KLHL1: variants seen among roughly 807,000 people sequenced by gnomAD.
KLHL1 encodes the protein kelch like family member 1.
KLHL1 carries 47 observed loss-of-function variants against 77.7 expected under a neutral mutation model. The ratio of observed to expected loss-of-function variants is 0.60; its 90% CI spans 0.48 to 0.77. KLHL1 has a LOEUF of 0.77. KLHL1 is among the 30% of genes least tolerant of loss of function. KLHL1 has a pLI of 0.00. For missense variants in KLHL1, 925 were observed against 910.8 expected, an observed-to-expected ratio of 1.02 and a Z score of -0.20; for synonymous variants, 360 against 325.2, an observed-to-expected ratio of 1.11 and a Z score of -1.15.
intron 6 of KLHL1, among the ~76,000 whole-genome samples, chr13:69,838,116 C>T (rs961593953): frequency 5.3e-5 from 8 of 149,844 alleles, no homozygotes; most frequent in South Asian, 4.2e-4. Flanking sequence ...CAGTTTTTTT[C>T]CCTGCAGCTA....
intron 6 of KLHL1, among the ~76,000 whole-genome samples, chr13:69,797,823 C>T (rs1245201684): frequency 1.7e-5 from 2 of 118,136 alleles, no homozygotes; most frequent in Admixed American, 1.6e-4. Flanking sequence ...AGCGAGACTC[C>T]ATCTAAAAAA....
chr13:69,715,077 C>T (rs983572010), intron 9 of KLHL1, among the ~76,000 whole-genome samples: 1 of 152,122 alleles, frequency 6.6e-6, no homozygotes, highest in Non-Finnish European at 1.5e-5. Context: ...TCCTCATAAG[C>T]CATTGAGGGA....
intron 6 of KLHL1, among the ~76,000 whole-genome samples, chr13:69,836,941 C>T (rs1338219358): frequency 6.6e-6 from 1 of 151,590 alleles, no homozygotes; most frequent in Non-Finnish European, 1.5e-5. Context: ...AAATTAAATA[C>T]AAAAATTTCA....
chr13:69,725,946 A>C (rs1223466959), intron 8 of KLHL1, among the ~76,000 whole-genome samples: 1 of 152,086 alleles, frequency 6.6e-6, no homozygotes, highest in Admixed American at 6.6e-5. Flanking sequence ...TTTTCATTAC[A>C]TATGCAGGGT....
intron 9 of KLHL1, among the ~76,000 whole-genome samples, chr13:69,716,420 G>A (rs964928809): frequency 2.0e-5 from 3 of 152,086 alleles, no homozygotes; most frequent in Non-Finnish European, 4.4e-5. Flanking sequence ...AAAAAATGAT[G>A]TAGAAAGAGT....
chr13:69,842,693 C>T (rs899901525), intron 5 of KLHL1, among the ~76,000 whole-genome samples: 1 of 151,748 alleles, frequency 6.6e-6, no homozygotes, highest in Non-Finnish European at 1.5e-5. Flanking sequence ...TGGATATCTA[C>T]CCAAAGGAAA....
intron 7 of KLHL1, among the ~76,000 whole-genome samples, chr13:69,788,692 T>C (rs1876698570): frequency 6.6e-6 from 1 of 152,128 alleles, no homozygotes; most frequent in South Asian, 2.1e-4. Flanking sequence ...TATTTATGTA[T>C]ATCTTAACTC....
intron 1 of KLHL1, among the ~76,000 whole-genome samples, chr13:70,102,365 C>A (rs959609634): frequency 1.3e-5 from 2 of 152,104 alleles, no homozygotes; most frequent in African/African-American, 4.8e-5. Flanking sequence ...ATAAAATACA[C>A]TGAATGAACT....
intron 5 of KLHL1, among the ~76,000 whole-genome samples, chr13:69,878,661 TA>T: frequency 6.6e-6 from 1 of 151,980 alleles, no homozygotes; most frequent in Admixed American, 6.6e-5. Flanking sequence ...CACATATAAA[TA>T]CATACATGTA....
chr13:69,732,229 C>T (rs9542066), intron 8 of KLHL1, among the ~76,000 whole-genome samples: 9,416 of 152,078 alleles, frequency 0.062, 575 homozygotes, highest in African/African-American at 0.16. Flanking sequence ...TTAAAACACA[C>T]ATAGAACCAT....
intron 2 of KLHL1, among the ~76,000 whole-genome samples, chr13:69,971,321 T>C (rs1385286142): frequency 6.6e-6 from 1 of 151,904 alleles, no homozygotes; most frequent in African/African-American, 2.4e-5. Flanking sequence ...TCATCATCAT[T>C]ATCATTGACT....
intron 1 of KLHL1, among the ~76,000 whole-genome samples, chr13:70,091,879 C>A (rs1488399820): frequency 6.6e-6 from 1 of 152,114 alleles, no homozygotes; most frequent in Admixed American, 6.6e-5. Flanking sequence ...AAATTTTTCA[C>A]ATGGATGTGT....
chr13:69,724,083 C>T (rs1296477409), intron 8 of KLHL1, among the ~76,000 whole-genome samples: 2 of 152,000 alleles, frequency 1.3e-5, no homozygotes, highest in African/African-American at 4.8e-5. Context: ...GATCCATCTG[C>T]CTCGGCCTCC....
At chr13:69,775,807 C>T (rs140514851) in intron 7 of KLHL1, among the ~76,000 whole-genome samples, 58 of 151,872 alleles carry the variant, frequency 3.8e-4, no homozygotes, top group African/African-American at 1.3e-3. Flanking sequence ...TCTCCTTCCA[C>T]GTCACGGAAA....
At chr13:69,861,785 T>TAAAA (rs34408474) in intron 5 of KLHL1, among the ~76,000 whole-genome samples, 13,211 of 85,466 alleles carry the variant, frequency 0.15, 971 homozygotes, top group East Asian at 0.21. Context: ...CCGTCTCTAC[T>TAAAA]AAAAAAAAAA....
intron 4 of KLHL1, among the ~76,000 whole-genome samples, chr13:69,916,723 T>C (rs1048393022): frequency 2.6e-5 from 4 of 151,106 alleles, no homozygotes; most frequent in Admixed American, 2.6e-4. Context: ...ACATGTACCC[T>C]AAAACTTAAA....
chr13:69,754,899 A>G (rs1311483088), intron 7 of KLHL1, among the ~76,000 whole-genome samples: 1 of 152,126 alleles, frequency 6.6e-6, no homozygotes, highest in African/African-American at 2.4e-5. Context: ...GTTCTTTCAG[A>G]TCTGACTCAA....
chr13:70,008,949 G>A (rs1289319558), intron 1 of KLHL1, among the ~76,000 whole-genome samples: 1 of 151,842 alleles, frequency 6.6e-6, no homozygotes, highest in East Asian at 1.9e-4. Context: ...CTCTCCTTCT[G>A]GATTTTATAT....
chr13:70,009,872 GA>G (rs988727395), intron 1 of KLHL1, among the ~76,000 whole-genome samples: 22 of 151,290 alleles, frequency 1.5e-4, no homozygotes, highest in Admixed American at 3.3e-4. Context: ...AAAAAGGTCA[GA>G]AAAAAAACCA....
Sources: gnomAD v4.1 joint callset for allele counts (sites outside exome capture counted in the v4.1 genomes callset) on GRCh38, gnomAD v4.1.1 for gene constraint, MANE v1.5 for transcripts, NCBI Gene and HGNC (gene_info 2026-07-23, HGNC 2026-07-21) for gene names.